METTL25B: variants seen among roughly 807,000 people sequenced by gnomAD.
METTL25B encodes the protein methyltransferase like 25B.
Under a neutral mutation model 48.4 loss-of-function variants are expected in METTL25B, and 38 were observed. That is an observed-to-expected ratio of 0.78 (90% CI 0.61 to 1.03). The LOEUF (loss-of-function observed/expected upper bound fraction) is 1.03, where lower values mean the gene tolerates loss of function less well. Ranked by LOEUF, METTL25B falls within the 50% of genes least tolerant of loss-of-function variation. The pLI, the probability that METTL25B is intolerant of heterozygous loss-of-function variation, is 0.00. For synonymous variants in METTL25B, 230 were observed against 254.5 expected, an observed-to-expected ratio of 0.90 and a Z score of 0.92; for missense variants, 537 against 603.7, an observed-to-expected ratio of 0.89 and a Z score of 1.16.
intron 4 of METTL25B, 30 bp downstream of exon 4, chr1:156,733,077 T>C: frequency 6.2e-7 from 1 of 1,606,972 alleles, no homozygotes; most frequent in Non-Finnish European, 8.5e-7. Context: ...TACTGTTTTT[T>C]TGAGTCATGG....
Position 156,732,402 on chromosome 1 carries a change from TC to T in METTL25B, c.361del (p.Arg121AspfsTer2), listed in dbSNP as rs1328724177. ...ATTCCTGGAGAACCCCAGCCAGAGC[TC>T]CCGACTAACAGCTCCATTCCGGAAA... ...SEFLENPSQS[S>X]RLTAPFRKHV... On this transcript the variant is annotated frameshift_variant, in exon 3 of 8. Transcript: ENST00000368216. LOFTEE classifies it high-confidence loss of function. 3 of 1,613,956 alleles carry T rather than the reference TC, an allele frequency of 1.9e-6. No individual in the cohort carries two copies. Among genetic ancestry groups the T allele is most frequent in the Non-Finnish European group, 1.7e-6 (2 of 1,180,028 alleles).
chr1:156,728,823 G>T lies in METTL25B; in HGVS notation c.-282G>T. The T allele has an allele frequency of 1.1e-6, 1 of 888,254 alleles. No homozygotes were observed. Among genetic ancestry groups the T allele is most frequent in the Non-Finnish European group, 1.5e-6 (1 of 686,164 alleles). 55.0% of individuals were successfully genotyped at this position (888,254 alleles called of 1,614,324 possible). A position where few individuals can be genotyped will look rare whatever the true frequency, so the allele number is the denominator to read the frequency against. On this transcript the variant is annotated 5_prime_UTR_variant, in exon 1 of 8. Transcript: ENST00000368216. ...GCCTCGTTGTGAGCTGAGCTCAGCG[G>T]CACGCTTTTGTGGCGTCACTGCACT...
rs569006861 is a variant in METTL25B, at chr1:156,728,620, G to A, written c.-485G>A. 3 of 984,724 alleles carry A rather than the reference G, an allele frequency of 3.0e-6. No individual in the cohort carries two copies. The African/African-American group carries it at 5.2e-5, about 17-fold the overall frequency. 61.0% of individuals were successfully genotyped at this position (984,724 alleles called of 1,614,324 possible). A position where few individuals can be genotyped will look rare whatever the true frequency, so the allele number is the denominator to read the frequency against. ...GGCAGTGGCGGCGGAGGAGGGGGCG[G>A]CGTGGGTGGGGGCGGGGGCGGGATG... On this transcript the variant is annotated 5_prime_UTR_variant, in exon 1 of 8. Coordinates refer to ENST00000368216, the MANE Select transcript of METTL25B (RefSeq NM_015997.4).
chr1:156,734,426 G>A lies in METTL25B; in HGVS notation c.1054G>A (p.Ala352Thr), dbSNP rs771190263. 3.1e-6 allele frequency: 5 copies of A among 1,608,836 alleles called. No individual in the cohort carries two copies. Among genetic ancestry groups the A allele is most frequent in the African/African-American group, 2.7e-5 (2 of 74,834 alleles). ...AGCACTGGAGACAGTCATCCGACGG[G>A]CCCGGCCCGAGCTCCGTCGGCCAGG... ...RAALETVIRR[A>T]RPELRRPGVQ... The change falls in exon 6 of 8, where the codon GCC (alanine) becomes ACC (threonine). Residue 352 changes from alanine to threonine, a missense_variant. Transcript: ENST00000368216.
Position 156,732,336 on chromosome 1 carries a change from C to G in METTL25B, c.292C>G (p.Leu98Val). Residue 98 changes from leucine (L) to valine (V), a missense_variant, in exon 3 of 8, where the codon CTG becomes GTG. Physicochemically the swap from Leu to Val is conservative, Grantham distance 32. Transcript: ENST00000368216. Reference sequence around the variant, plus strand: ...GGCCCTGAAGTCCACGGCGTGTGCCCTGGCCTTTACCCGGATGCCTGGCTT... The same window carrying G: ...GGCCCTGAAGTCCACGGCGTGTGCCGTGGCCTTTACCCGGATGCCTGGCTT... ...LLALKSTACA[L>V]AFTRMPGFQT... 1 of 1,614,274 alleles carries G rather than the reference C, an allele frequency of 6.2e-7. No homozygotes were observed. The highest frequency in any genetic ancestry group is 8.5e-7 in the Non-Finnish European group (1 of 1,180,054).
At chr1:156,729,245 C>G in intron 1 of METTL25B, 30 bp downstream of exon 1, 1 of 1,422,912 alleles carries the variant, frequency 7.0e-7, no homozygotes, top group Non-Finnish European at 9.9e-7. Flanking sequence ...GGTGGGATGT[C>G]TCTGGTCGTG....
At chr1:156,729,391 C>A (rs1649037311) in intron 1 of METTL25B, 176 bp downstream of exon 1, 39 of 448,628 alleles carry the variant, frequency 8.7e-5, no homozygotes, top group Admixed American at 1.8e-4. Context: ...TTTCAGCTGA[C>A]ATAAATAATA....
chr1:156,730,379 G>A (rs920438516), intron 1 of METTL25B, among the ~76,000 whole-genome samples: 2 of 152,190 alleles, frequency 1.3e-5, no homozygotes, highest in Non-Finnish European at 1.5e-5. Flanking sequence ...GCCACAGAAA[G>A]GCAATCGCAG....
At chr1:156,736,530 T>A in intron 7 of METTL25B, 102 bp from the exon 8 acceptor site, 1 of 1,421,602 alleles carries the variant, frequency 7.0e-7, no homozygotes, top group Non-Finnish European at 9.7e-7. Flanking sequence ...CCCCGCTGGA[T>A]CCTCCCCCAT....
At chr1:156,729,253 G>A (rs370569184) in intron 1 of METTL25B, 38 bp downstream of exon 1, 7 of 1,328,282 alleles carry the variant, frequency 5.3e-6, no homozygotes, top group South Asian at 1.2e-5. Flanking sequence ...GTCTCTGGTC[G>A]TGTGGTTGGC....
rs145287544 is a variant in METTL25B, at chr1:156,732,748, G to A, written c.430-237G>A. On this transcript the variant is annotated intron_variant, in intron 3 of 7. Transcript: ENST00000368216. ...TTCACGCAGGGTTCTTGTTCTGTGGGGGAGATTGAATCACTGACCTGTGAG... is the reference window on the plus strand; with the variant it reads ...TTCACGCAGGGTTCTTGTTCTGTGGAGGAGATTGAATCACTGACCTGTGAG... 1.8e-3 allele frequency among the ~76,000 whole-genome samples: 272 copies of A among 152,188 alleles called. 2 individuals are homozygous for A. Among genetic ancestry groups the A allele is most frequent in the Non-Finnish European group, 2.8e-3 (192 of 67,996 alleles).
rs1326414927 is a variant in METTL25B at position 156,731,864 on chromosome 1, A to G, written c.112-127A>G. 8 of 1,225,700 alleles carry G rather than the reference A, an allele frequency of 6.5e-6. No homozygotes were observed. The African/African-American group carries it at 1.2e-4, about 18-fold the overall frequency. 75.9% of individuals were successfully genotyped at this position (1,225,700 alleles called of 1,614,324 possible). ...GCTTAGCAGGAGGTACCTGCCAGTT[A>G]CAGGCAGTGGCCCTATGTGGCAGCA... is the stretch of plus-strand genomic sequence containing the variant. On this transcript the variant is annotated intron_variant, in intron 1 of 7. Transcript: ENST00000368216.
Position 156,733,007 on chromosome 1 carries a change from T to TCA in METTL25B, c.455_456dup (p.Gly153GlnfsTer7), listed in dbSNP as rs1649426043. ...CAGTTGGTGAAGAAGCTGAGTGATT[T>TCA]CACAGGCTGCACCCAGGTTGTAGAC... On this transcript the variant is annotated frameshift_variant, in exon 4 of 8. Transcript: ENST00000368216. LOFTEE classifies it high-confidence loss of function. 1.9e-6 allele frequency: 3 copies of TCA among 1,614,060 alleles called. No homozygotes were observed. The African/African-American group carries it at 4.0e-5, about 22-fold the overall frequency.
chr1:156,734,051 A>G lies in METTL25B; in HGVS notation c.679A>G (p.Arg227Gly). The change falls in exon 6 of 8, where the codon AGG becomes GGG. Residue 227 changes from arginine to glycine, a missense_variant. Physicochemically the swap from Arg to Gly is moderately radical, Grantham distance 125 (BLOSUM62 -2). Transcript: ENST00000368216. ...SPRHSPHHVV[R>G]WVDPTALCEE... Reference sequence around the variant, plus strand: ...TCGTCACTCCCCACACCACGTGGTTAGGTGGGTAGACCCCACAGCCCTGTG... The same window carrying G: ...TCGTCACTCCCCACACCACGTGGTTGGGTGGGTAGACCCCACAGCCCTGTG... 6.2e-7 allele frequency: 1 copy of G among 1,613,234 alleles called. No individual in the cohort carries two copies. Among genetic ancestry groups the G allele is most frequent in the Non-Finnish European group, 8.5e-7 (1 of 1,179,434 alleles).
In METTL25B at chr1:156,732,324, A is replaced by G; in HGVS notation, c.280A>G (p.Thr94Ala). 2 of 1,614,246 alleles carry G rather than the reference A, an allele frequency of 1.2e-6. No individual in the cohort carries two copies. Among genetic ancestry groups the G allele is most frequent in the Non-Finnish European group, 1.7e-6 (2 of 1,180,044 alleles). The change falls in exon 3 of 8, where the codon ACG becomes GCG. Residue 94 changes from threonine (T) to alanine (A), a missense_variant. Physicochemically the swap from Thr to Ala is moderately conservative, Grantham distance 58. Transcript: ENST00000368216. ...ACTCACCCTGCTGGCCCTGAAGTCC[A>G]CGGCGTGTGCCCTGGCCTTTACCCG... ...WPLTLLALKS[T>A]ACALAFTRMP...
intron 7 of METTL25B, 109 bp from the exon 8 acceptor site, chr1:156,736,523 C>G: frequency 7.3e-7 from 1 of 1,370,244 alleles, no homozygotes; most frequent in Non-Finnish European, 1.0e-6. Context: ...TCCTTAGCCC[C>G]GCTGGATCCT....
intron 1 of METTL25B, among the ~76,000 whole-genome samples, chr1:156,730,925 T>C (rs1220754715): frequency 1.3e-5 from 2 of 152,240 alleles, no homozygotes; most frequent in Non-Finnish European, 2.9e-5. Flanking sequence ...CGAGAAGGTG[T>C]TAAATAAGTG....
rs766370679 is a variant in METTL25B, at chr1:156,732,011, A to G, written c.132A>G (p.Leu44=). The change falls in exon 2 of 8, where the codon CTA becomes CTG. Residue 44 remains leucine (L), a synonymous_variant. Transcript: ENST00000368216. ...TGTAGGAATTTTTCACAGACAACCT[A>G]TGGGACACACTCCCTTGCTCATGGC... ...AYIIEFFTDN[L]WDTLPCSWQE... 1.2e-6 allele frequency: 2 copies of G among 1,614,148 alleles called. No individual in the cohort carries two copies. Among genetic ancestry groups the G allele is most frequent in the East Asian group, 2.2e-5 (1 of 44,886 alleles).
chr1:156,736,077 A>G, intron 7 of METTL25B, 168 bp downstream of exon 7: 2 of 562,848 alleles, frequency 3.6e-6, no homozygotes, highest in Non-Finnish European at 5.9e-6. Flanking sequence ...TTAAAAAATT[A>G]AGAATCCAGG....
Sources: allele counts gnomAD v4.1 joint callset (sites outside exome capture counted in the v4.1 genomes callset), GRCh38; gene constraint gnomAD v4.1.1; transcripts MANE v1.5; gene names NCBI Gene and HGNC (gene_info 2026-07-23, HGNC 2026-07-21).